Variants in BLOC1S5 observed in about 807,000 individuals in gnomAD.
BLOC1S5 encodes the protein biogenesis of lysosome-related organelles complex 1 subunit 5.
BLOC1S5 carries 27 observed loss-of-function variants against 24.3 expected under a neutral mutation model. The observed-to-expected ratio is 1.11, with a 90% CI of 0.82 to 1.53. The LOEUF (loss-of-function observed/expected upper bound fraction) is 1.53, where lower values mean the gene tolerates loss of function less well. BLOC1S5 is among the 40% of genes most tolerant of loss of function. The pLI, the probability that BLOC1S5 is intolerant of heterozygous loss-of-function variation, is 0.00. For missense variants in BLOC1S5, 239 were observed against 229.4 expected (o/e 1.04, Z -0.27); for synonymous variants, 84 against 74.5 (o/e 1.13, Z -0.66).
intron 1 of BLOC1S5, among the ~76,000 whole-genome samples, chr6:8,062,902 C>G (rs1044424594): frequency 6.6e-6 from 1 of 152,108 alleles, no homozygotes; most frequent in Non-Finnish European, 1.5e-5. Context: ...GCCATTTATA[C>G]ATATTTATTA....
At chr6:8,040,711 C>T (rs908778096) in intron 3 of BLOC1S5, among the ~76,000 whole-genome samples, 7 of 151,994 alleles carry the variant, frequency 4.6e-5, no homozygotes, top group Admixed American at 6.6e-5. Context: ...CAAAAATTAG[C>T]CAGGCATGGT....
intron 3 of BLOC1S5, among the ~76,000 whole-genome samples, chr6:8,029,125 T>A (rs1310884317): frequency 4.7e-4 from 72 of 151,896 alleles, no homozygotes; most frequent in African/African-American, 1.6e-3. Context: ...AAACCTCAAA[T>A]ACACACGTAA....
intron 2 of BLOC1S5, among the ~76,000 whole-genome samples, chr6:8,058,724 T>C (rs1034161736): frequency 1.2e-4 from 19 of 152,080 alleles, no homozygotes; most frequent in African/African-American, 3.1e-4. Flanking sequence ...CTTGTAAGCA[T>C]ATGGACAAAG....
chr6:8,050,075 T>C (rs575050158), intron 2 of BLOC1S5, among the ~76,000 whole-genome samples: 1 of 152,314 alleles, frequency 6.6e-6, no homozygotes, highest in African/African-American at 2.4e-5. Flanking sequence ...AGATACTATG[T>C]TTTTTACAAA....
intron 2 of BLOC1S5, among the ~76,000 whole-genome samples, chr6:8,047,942 A>G (rs368457728): frequency 9.8e-5 from 15 of 152,372 alleles, no homozygotes; most frequent in East Asian, 7.7e-4. Flanking sequence ...AAAAGGCAAG[A>G]CAGAACACTT....
intron 4 of BLOC1S5, among the ~76,000 whole-genome samples, chr6:8,023,463 G>A (rs1381090198): frequency 3.3e-5 from 5 of 152,108 alleles, no homozygotes; most frequent in African/African-American, 7.2e-5. Flanking sequence ...GGTGGCGTGC[G>A]CCTGTAATCC....
At position 8,064,322 on chromosome 6, in the gene BLOC1S5, C is replaced by T. The variant is rs181249165; in HGVS notation, c.55G>A (p.Gly19Ser). Residue 19 changes from glycine (G) to serine (S), a missense_variant, in exon 1 of 5, where the codon GGC becomes AGC. Coordinates refer to ENST00000397457, the MANE Select transcript of BLOC1S5 (RefSeq NM_201280.3). ...PVGCEAAPGG[G>S]SKKRDSLGTA... ...CCCAGGGAGTCCCTCTTCTTGCTGC[C>T]ACCGCCCGGGGCGGCCTCACAACCC... 6.2e-6 allele frequency: 10 copies of T among 1,613,538 alleles called. No individual in the cohort carries two copies. The highest frequency in any genetic ancestry group is 8.5e-6 in the Non-Finnish European group (10 of 1,179,862).
chr6:8,059,476 C>T (rs1288099006), intron 2 of BLOC1S5, among the ~76,000 whole-genome samples: 1 of 152,220 alleles, frequency 6.6e-6, no homozygotes, highest in Non-Finnish European at 1.5e-5. Flanking sequence ...AAGTAACCTA[C>T]ATTCAAATGA....
In BLOC1S5 at chr6:8,016,098, G is replaced by A. The variant is rs981939001; in HGVS notation, c.385-270C>T. 3.3e-5 allele frequency among the ~76,000 whole-genome samples: 5 copies of A among 152,220 alleles called. No individual in the cohort carries two copies. In the East Asian group the frequency reaches 7.7e-4, roughly 23 times the overall value. On this transcript the variant is annotated intron_variant, in intron 4 of 4. Transcript: ENST00000397457. ...CCCAGCATTCTGGGAGGCCGAAGCC[G>A]GTGGATCACCTCAAGTAAGGAGTTT...
Position 8,041,203 on chromosome 6 carries a change from A to T in BLOC1S5, c.261T>A (p.Asn87Lys), listed in dbSNP as rs373227951. Reference sequence around the variant, plus strand: ...CTCTACATTTGGGAAGAGTATGTTCATTTGTTTCATGGATCATGTTCTTCA... The same window carrying T: ...CTCTACATTTGGGAAGAGTATGTTCTTTTGTTTCATGGATCATGTTCTTCA... ...ENLKNMIHET[N>K]EHTLPKCRDT... The change falls in exon 3 of 5, where the codon AAT becomes AAA. Residue 87 changes from asparagine to lysine, a missense_variant. Asn to Lys is a moderately conservative substitution (Grantham distance 94). Coordinates refer to ENST00000397457, the MANE Select transcript of BLOC1S5 (RefSeq NM_201280.3). 1.2e-6 allele frequency: 2 copies of T among 1,612,288 alleles called. No individual in the cohort carries two copies. The highest frequency in any genetic ancestry group is 1.7e-6 in the Non-Finnish European group (2 of 1,179,426).
At chr6:8,042,689 T>C (rs1763736056) in intron 2 of BLOC1S5, among the ~76,000 whole-genome samples, 1 of 152,266 alleles carries the variant, frequency 6.6e-6, no homozygotes, top group African/African-American at 2.4e-5. Flanking sequence ...ATTTTATGTG[T>C]GGCCCAACAC....
chr6:8,024,726 A>G (rs1019068161), intron 4 of BLOC1S5, among the ~76,000 whole-genome samples: 3 of 152,130 alleles, frequency 2.0e-5, no homozygotes, highest in Admixed American at 2.0e-4. Context: ...TTAAACAAAC[A>G]GTGAGCTGGC....
At chr6:8,061,922 T>C (rs993454509) in intron 2 of BLOC1S5, among the ~76,000 whole-genome samples, 1 of 152,220 alleles carries the variant, frequency 6.6e-6, no homozygotes, top group Non-Finnish European at 1.5e-5. Flanking sequence ...CACAGAACAA[T>C]GCTTGGACTT....
intron 1 of BLOC1S5, 39 bp downstream of exon 1, chr6:8,064,226 C>T (rs1186134380): frequency 1.3e-6 from 2 of 1,554,818 alleles, no homozygotes; most frequent in Non-Finnish European, 1.8e-6. Context: ...TGAGGCTGTG[C>T]TGGGATCCAC....
intron 4 of BLOC1S5, among the ~76,000 whole-genome samples, chr6:8,025,710 C>T (rs1249652319): frequency 1.3e-5 from 2 of 152,074 alleles, no homozygotes; most frequent in African/African-American, 4.8e-5. Context: ...TCGATACACA[C>T]ACATACAAGC....
intron 3 of BLOC1S5, among the ~76,000 whole-genome samples, chr6:8,033,753 A>G (rs1763384389): frequency 6.6e-6 from 1 of 152,178 alleles, no homozygotes; most frequent in South Asian, 2.1e-4. Context: ...AATATCCAGA[A>G]TCTACAAAGA....
chr6:8,058,688 TCAAAA>T lies in BLOC1S5; in HGVS notation c.195+3841_195+3845del, dbSNP rs946967420. ...TTGGGTTACAGAGCGTGACCCTGTC[TCAAAA>T]CAAAACAAAAAAAATGCCACCTTGT... On this transcript the variant is annotated intron_variant, in intron 2 of 4. Coordinates refer to ENST00000397457, the MANE Select transcript of BLOC1S5 (RefSeq NM_201280.3). Among the ~76,000 whole-genome samples the T allele has an allele frequency of 1.2e-3, 182 of 152,062 alleles. 1 individual carries two copies. Among genetic ancestry groups the T allele is most frequent in the African/African-American group, 4.1e-3 (172 of 41,452 alleles).
chr6:8,041,655 C>CTTTCTTTCTTTT (rs111955375), intron 2 of BLOC1S5, among the ~76,000 whole-genome samples: 9 of 111,926 alleles, frequency 8.0e-5, no homozygotes, highest in East Asian at 6.0e-4. Context: ...TTCTTTCTTT[C>CTTTCTTTCTTTT]TTTTTTTTTG....
chr6:8,035,359 T>TTTA (rs768546457), intron 3 of BLOC1S5, among the ~76,000 whole-genome samples: 2 of 148,502 alleles, frequency 1.3e-5, no homozygotes, highest in Admixed American at 1.3e-4. Context: ...TTTTTTTTTT[T>TTTA]AAAAAAAAGG....
Sources: gnomAD v4.1 joint callset for allele counts (sites outside exome capture counted in the v4.1 genomes callset) on GRCh38, gnomAD v4.1.1 for gene constraint, MANE v1.5 for transcripts, NCBI Gene and HGNC (gene_info 2026-07-23, HGNC 2026-07-21) for gene names.